Variants in ESCO1 observed in about 807,000 individuals in gnomAD.
ESCO1 encodes the protein N-acetyltransferase ESCO1.
ESCO1 carries 33 observed loss-of-function variants against 83.5 expected under a neutral mutation model. That is an observed-to-expected ratio of 0.40 (90% CI 0.30 to 0.53). The LOEUF is 0.53. Ranked by LOEUF, ESCO1 falls within the 20% of genes least tolerant of loss-of-function variation. ESCO1 has a pLI of 0.63. For synonymous variants in ESCO1, 332 were observed against 324.3 expected (o/e 1.02, Z -0.25); for missense variants, 855 against 968.0 (o/e 0.88, Z 1.55).
At chr18:21,551,098 G>A (rs1164131649) in intron 8 of ESCO1, among the ~76,000 whole-genome samples, 1 of 130,848 alleles carries the variant, frequency 7.6e-6, no homozygotes, top group Admixed American at 8.1e-5. Context: ...GGCTGCAAGA[G>A]CAAAACTCTG....
At chr18:21,535,012 T>C (rs1322445917) in intron 10 of ESCO1, among the ~76,000 whole-genome samples, 1 of 152,114 alleles carries the variant, frequency 6.6e-6, no homozygotes, top group African/African-American at 2.4e-5. Flanking sequence ...ACTCTGCCTT[T>C]GTAGTACAAA....
At chr18:21,572,069 A>G (rs953494047) in intron 4 of ESCO1, among the ~76,000 whole-genome samples, 8 of 152,194 alleles carry the variant, frequency 5.3e-5, no homozygotes, top group Non-Finnish European at 1.2e-4. Flanking sequence ...AAACTTTGAA[A>G]TGACTTGACT....
At chr18:21,536,415 C>A (rs1164636880) in intron 9 of ESCO1, among the ~76,000 whole-genome samples, 1 of 151,816 alleles carries the variant, frequency 6.6e-6, no homozygotes, top group Non-Finnish European at 1.5e-5. Context: ...CATGGTGAAA[C>A]CCTGTCTCTA....
At chr18:21,543,853 T>C (rs1225835419) in intron 8 of ESCO1, among the ~76,000 whole-genome samples, 1 of 152,090 alleles carries the variant, frequency 6.6e-6, no homozygotes, top group African/African-American at 2.4e-5. Context: ...TTCAAACAAA[T>C]AAGCAACATA....
chr18:21,577,009 G>A (rs893165719), intron 2 of ESCO1, among the ~76,000 whole-genome samples: 1 of 151,532 alleles, frequency 6.6e-6, no homozygotes, highest in African/African-American at 2.4e-5. Context: ...CTCCAGCCTA[G>A]GCGACAGAGC....
At chr18:21,562,355 A>G (rs905776696) in intron 7 of ESCO1, among the ~76,000 whole-genome samples, 97 of 152,082 alleles carry the variant, frequency 6.4e-4, no homozygotes, top group African/African-American at 2.3e-3. Flanking sequence ...GCGTGCCTGT[A>G]AACCCAGCTA....
chr18:21,546,194 C>T, intron 8 of ESCO1, among the ~76,000 whole-genome samples: 1 of 152,154 alleles, frequency 6.6e-6, no homozygotes, highest in East Asian at 1.9e-4. Flanking sequence ...TACTCACTAG[C>T]TGCCCTGCTT....
intron 1 of ESCO1, among the ~76,000 whole-genome samples, chr18:21,589,892 A>G (rs559531071): frequency 1.3e-5 from 2 of 151,472 alleles, no homozygotes; most frequent in South Asian, 4.2e-4. Context: ...CAGTGGTGCC[A>G]TCTCGGCTCA....
Position 21,568,015 on chromosome 18 carries a change from T to A in ESCO1, c.1610A>T (p.Gln537Leu). 6.2e-7 allele frequency: 1 copy of A among 1,613,814 alleles called. No homozygotes were observed. The highest frequency in any genetic ancestry group is 8.5e-7 in the Non-Finnish European group (1 of 1,179,930). The change falls in exon 5 of 12, where the codon CAA becomes CTA. Residue 537 changes from glutamine (Q) to leucine (L), a missense_variant. This residue lies in a region of ESCO1 where 726 missense variants were observed against 699.5 expected (regional missense o/e 1.04). Transcript: ENST00000269214. Reference sequence around the variant, plus strand: ...ATTCTCTCCTGTATCAATTTTTGCTTGACTGAGCAGAGTCGAAGCAGCAGT... The same window carrying A: ...ATTCTCTCCTGTATCAATTTTTGCTAGACTGAGCAGAGTCGAAGCAGCAGT... The part of the protein sequence containing the change: ...NVTAASTLLS[Q>L]AKIDTGENKF...
intron 4 of ESCO1, among the ~76,000 whole-genome samples, chr18:21,570,509 C>A (rs1416187972): frequency 6.6e-6 from 1 of 152,126 alleles, no homozygotes; most frequent in African/African-American, 2.4e-5. Flanking sequence ...TTACACAAAG[C>A]CAAGTTACAA....
At chr18:21,589,008 G>A (rs958551186) in intron 1 of ESCO1, among the ~76,000 whole-genome samples, 24 of 152,144 alleles carry the variant, frequency 1.6e-4, no homozygotes, top group African/African-American at 4.3e-4. Context: ...TTGGGAGGCC[G>A]AGGTGGGCAG....
chr18:21,531,117 GAA>G (rs939301369), intron 11 of ESCO1, among the ~76,000 whole-genome samples: 1 of 152,092 alleles, frequency 6.6e-6, no homozygotes, highest in Non-Finnish European at 1.5e-5. Context: ...AATTTAGGGG[GAA>G]AAAAGTCCAT....
intron 1 of ESCO1, among the ~76,000 whole-genome samples, chr18:21,598,310 G>C (rs2038793317): frequency 6.6e-6 from 1 of 152,196 alleles, no homozygotes; most frequent in Non-Finnish European, 1.5e-5. Context: ...GGCAAAAGAA[G>C]TTAATGGCAT....
intron 2 of ESCO1, 88 bp from the exon 3 acceptor site, chr18:21,575,865 A>T (rs959000433): frequency 3.6e-5 from 14 of 393,390 alleles, no homozygotes; most frequent in Non-Finnish European, 5.8e-5. Flanking sequence ...ATAACGCTCC[A>T]TAATTTCATC....
chr18:21,541,631 T>C (rs2037909491), intron 8 of ESCO1, among the ~76,000 whole-genome samples: 1 of 149,722 alleles, frequency 6.7e-6, no homozygotes, highest in African/African-American at 2.5e-5. Context: ...TAAATCTGAA[T>C]CATATAGAGA....
In ESCO1 at chr18:21,559,624, A is replaced by G. The variant is rs549791785; in HGVS notation, c.1953+1235T>C. On this transcript the variant is annotated intron_variant, in intron 8 of 11. Transcript: ENST00000269214. ...CTAACTTCCTCTACGAGGTTTGTATATAAAATATACTGAACTATTTTTGTC... is the reference window on the plus strand; with the variant it reads ...CTAACTTCCTCTACGAGGTTTGTATGTAAAATATACTGAACTATTTTTGTC... Among the ~76,000 whole-genome samples, 268 of 152,360 alleles carry G rather than the reference A, an allele frequency of 1.8e-3. 1 individual carries two copies. The Middle Eastern group carries it at 0.041, about 23-fold the overall frequency.
chr18:21,574,740 A>C lies in ESCO1; in HGVS notation c.104T>G (p.Leu35Arg), dbSNP rs1375907079. 37 of 1,610,320 alleles carry C rather than the reference A, an allele frequency of 2.3e-5. No homozygotes were observed. The highest frequency in any genetic ancestry group is 2.8e-5 in the Non-Finnish European group (33 of 1,179,840). The change falls in exon 4 of 12, where the codon CTA becomes CGA. Residue 35 changes from leucine to arginine, a missense_variant. Transcript: ENST00000269214. Reference protein sequence around the residue: ...ETEIQDSQKNLAKKSGPKETI... With the variant: ...ETEIQDSQKNRAKKSGPKETI... ...CTCCTTTGGACCTGATTTTTTTGCTAGATTCTTTTGAGAATCCTGAATTTC... is the reference window on the plus strand; with the variant it reads ...CTCCTTTGGACCTGATTTTTTTGCTCGATTCTTTTGAGAATCCTGAATTTC...
At chr18:21,530,516 A>G (rs1416951865) in intron 11 of ESCO1, 26 bp from the exon 12 acceptor site, 2 of 1,356,986 alleles carry the variant, frequency 1.5e-6, no homozygotes. Context: ...GGGGGGGGGG[A>G]AGGGTTAAGT....
intron 8 of ESCO1, among the ~76,000 whole-genome samples, chr18:21,554,976 G>A (rs1053285270): frequency 1.3e-5 from 2 of 151,874 alleles, no homozygotes; most frequent in Non-Finnish European, 2.9e-5. Context: ...CACGCCTGTA[G>A]TCCCAGCTAC....
Sources: gnomAD v4.1 joint callset for allele counts (sites outside exome capture counted in the v4.1 genomes callset) on GRCh38, gnomAD v4.1.1 for gene constraint, gnomAD v4.1.1 regional missense constraint, MANE v1.5 for transcripts, NCBI Gene and HGNC (gene_info 2026-07-23, HGNC 2026-07-21) for gene names.